KAT6B: variants seen among roughly 807,000 people sequenced by gnomAD.
KAT6B encodes histone acetyltransferase KAT6B.
A neutral mutation model predicts 187.5 loss-of-function variants in KAT6B; 10 were observed. The ratio of observed to expected loss-of-function variants is 0.05; its 90% confidence interval spans 0.03 to 0.09. The LOEUF is 0.09. Among genes scored for constraint, KAT6B ranks in the 10% least tolerant of loss-of-function variants. The pLI is 1.00. For synonymous variants in KAT6B, 861 were observed against 926.8 expected (o/e 0.93, Z 1.29); for missense variants, 1,952 against 2,558.9 (o/e 0.76, Z 5.12).
chr10:74,926,214 G>A (rs2133114308), intron 3 of KAT6B, among the ~76,000 whole-genome samples: 1 of 152,354 alleles, frequency 6.6e-6, no homozygotes, highest in South Asian at 2.1e-4. Context: ...AGCACTTTGG[G>A]AAGCCGAGGC....
In KAT6B at chr10:74,997,291, G is replaced by A. The variant is rs192217079; in HGVS notation, c.2629+8179G>A. Among the ~76,000 whole-genome samples the A allele has an allele frequency of 2.7e-5, 4 of 148,444 alleles. No homozygotes were observed. The East Asian group carries it at 6.0e-4, about 22-fold the overall frequency. ...TAAATACATAAACAAATAGGCAGAGGACAGGAACACAGAATGTACAGAAAA... is the reference window on the plus strand; with the variant it reads ...TAAATACATAAACAAATAGGCAGAGAACAGGAACACAGAATGTACAGAAAA... On this transcript the variant is annotated intron_variant, in intron 13 of 17. Coordinates refer to ENST00000287239, the MANE Select transcript of KAT6B (RefSeq NM_012330.4).
intron 13 of KAT6B, among the ~76,000 whole-genome samples, chr10:75,019,558 G>A (rs1310921200): frequency 6.6e-6 from 1 of 152,202 alleles, no homozygotes; most frequent in African/African-American, 2.4e-5. Context: ...GTATGATTTT[G>A]TCATTGCTGC....
intron 4 of KAT6B, among the ~76,000 whole-genome samples, chr10:74,963,962 A>G (rs2133569949): frequency 6.6e-6 from 1 of 151,830 alleles, no homozygotes; most frequent in Admixed American, 6.5e-5. Flanking sequence ...CATCCCTACT[A>G]AAAAAAGGAA....
intron 1 of KAT6B, among the ~76,000 whole-genome samples, chr10:74,838,017 C>T (rs1323661552): frequency 1.3e-5 from 2 of 151,874 alleles, no homozygotes; most frequent in African/African-American, 2.4e-5. Flanking sequence ...GAAGGAGGAT[C>T]CAAGGTTGCT....
chr10:75,021,766 G>T (rs765277405), intron 15 of KAT6B, 115 bp from the exon 16 acceptor site: 26 of 1,015,820 alleles, frequency 2.6e-5, no homozygotes, highest in Admixed American at 3.9e-5. Context: ...AATGTGCTTG[G>T]CTGGCTGGCT....
At chr10:74,953,861 C>T (rs910052784) in intron 3 of KAT6B, among the ~76,000 whole-genome samples, 3 of 152,138 alleles carry the variant, frequency 2.0e-5, no homozygotes, top group Non-Finnish European at 2.9e-5. Context: ...TAGTTTCCTT[C>T]TGGGCAGAAA....
At chr10:75,026,897 C>T (rs917019299) in intron 17 of KAT6B, among the ~76,000 whole-genome samples, 4 of 151,972 alleles carry the variant, frequency 2.6e-5, no homozygotes, top group East Asian at 1.9e-4. Context: ...GCACTTTGGG[C>T]GGCCGAGGTA....
intron 3 of KAT6B, among the ~76,000 whole-genome samples, chr10:74,845,731 T>A (rs1296879300): frequency 6.6e-6 from 1 of 150,988 alleles, no homozygotes; most frequent in African/African-American, 2.4e-5. Context: ...TTAGAAACAA[T>A]TGAAACATGC....
At chr10:74,945,800 C>T (rs1839910121) in intron 3 of KAT6B, among the ~76,000 whole-genome samples, 1 of 152,082 alleles carries the variant, frequency 6.6e-6, no homozygotes. Flanking sequence ...AATTACACCT[C>T]AATGTAATTA....
intron 3 of KAT6B, among the ~76,000 whole-genome samples, chr10:74,938,521 A>G (rs1222995375): frequency 6.6e-6 from 1 of 152,178 alleles, no homozygotes; most frequent in African/African-American, 2.4e-5. Context: ...CATGCCTGAC[A>G]ATACTGATAT....
chr10:75,015,076 A>G (rs529695740), intron 13 of KAT6B, among the ~76,000 whole-genome samples: 15 of 152,218 alleles, frequency 9.9e-5, no homozygotes, highest in Non-Finnish European at 2.2e-4. Context: ...ATCCTGATTC[A>G]GCAGGTCTGA....
In KAT6B at chr10:75,030,453, A is replaced by G; in HGVS notation, c.5629A>G (p.Thr1877Ala). ...CCCTGGGGGACCCCAAGCACAAGCTACCATGACCCCACCCCCCAACCTGAC... is the reference window on the plus strand; with the variant it reads ...CCCTGGGGGACCCCAAGCACAAGCTGCCATGACCCCACCCCCCAACCTGAC... The part of the protein sequence containing the change: ...SVPGGPQAQA[T>A]MTPPPNLTPP... The change falls in exon 18 of 18, where the codon ACC becomes GCC. Residue 1877 changes from threonine (T) to alanine (A), a missense_variant. Thr to Ala is a moderately conservative substitution (Grantham distance 58). Around this residue, in one of 9 missense-constraint regions of KAT6B, gnomAD observed 358 missense variants for 436.3 expected, o/e 0.82. Coordinates refer to ENST00000287239, the MANE Select transcript of KAT6B (RefSeq NM_012330.4). The surrounding 1 kb of genome is among the most constrained non-coding windows in gnomAD (Gnocchi z 4.8). 6.2e-7 allele frequency: 1 copy of G among 1,613,874 alleles called. No individual in the cohort carries two copies. The highest frequency in any genetic ancestry group is 8.5e-7 in the Non-Finnish European group (1 of 1,179,728).
intron 1 of KAT6B, among the ~76,000 whole-genome samples, chr10:74,837,435 T>C (rs1340542828): frequency 6.6e-6 from 1 of 152,070 alleles, no homozygotes; most frequent in Non-Finnish European, 1.5e-5. Flanking sequence ...CAAGTTTTTA[T>C]AGAAAAAAAA....
intron 13 of KAT6B, among the ~76,000 whole-genome samples, chr10:75,019,263 G>C (rs964662863): frequency 1.3e-5 from 2 of 152,222 alleles, no homozygotes; most frequent in East Asian, 3.8e-4. Context: ...AGCAAAACCT[G>C]AAGTTAAATT....
At chr10:74,997,221 C>T (rs924206337) in intron 13 of KAT6B, among the ~76,000 whole-genome samples, 7 of 151,350 alleles carry the variant, frequency 4.6e-5, no homozygotes, top group Non-Finnish European at 8.8e-5. Flanking sequence ...CTCTCTCCCC[C>T]TGTTCTCCCC....
intron 8 of KAT6B, 160 bp downstream of exon 8, chr10:74,976,490 T>C (rs1296462763): frequency 1.0e-5 from 7 of 696,958 alleles, no homozygotes; most frequent in African/African-American, 5.3e-5. Context: ...CTTTGACCTT[T>C]TTCTAATGCT....
intron 11 of KAT6B, 165 bp from the exon 12 acceptor site, chr10:74,984,914 AG>A: frequency 1.5e-6 from 1 of 657,068 alleles, no homozygotes; most frequent in Non-Finnish European, 2.6e-6. Context: ...TGCCAGTGAC[AG>A]CTGTTTTCTG....
chr10:75,010,193 G>A (rs557259636), intron 13 of KAT6B, among the ~76,000 whole-genome samples: 26 of 152,288 alleles, frequency 1.7e-4, no homozygotes, highest in South Asian at 6.2e-4. Context: ...CTCAAATCAC[G>A]TTTCAAAGCA....
intron 13 of KAT6B, among the ~76,000 whole-genome samples, chr10:75,002,048 C>T (rs1296888548): frequency 2.0e-5 from 3 of 152,152 alleles, no homozygotes; most frequent in Non-Finnish European, 4.4e-5. Context: ...GGCTGTGCCT[C>T]CCAAGACAGG....
Sources: gnomAD v4.1 joint callset for allele counts (sites outside exome capture counted in the v4.1 genomes callset) on GRCh38, gnomAD v4.1.1 for gene constraint, gnomAD v4.1.1 regional missense constraint, Gnocchi (gnomAD v3.1) non-coding constraint, MANE v1.5 for transcripts, NCBI Gene and HGNC (gene_info 2026-07-23, HGNC 2026-07-21) for gene names.